Variants in PLD1 observed in about 807,000 individuals in gnomAD.
The protein encoded by PLD1 is choline phosphatase 1.
PLD1 carries 112 observed loss-of-function variants against 137.1 expected under a neutral mutation model. The observed-to-expected ratio is 0.82, with a 90% CI of 0.70 to 0.96. The LOEUF (loss-of-function observed/expected upper bound fraction) is 0.96. Ranked by LOEUF, PLD1 falls within the 40% of genes least tolerant of loss-of-function variation. The pLI is 0.00. For synonymous variants in PLD1, 431 were observed against 454.7 expected (o/e 0.95, Z 0.66); for missense variants, 1,321 against 1,342.0 (o/e 0.98, Z 0.24).
intron 23 of PLD1, among the ~76,000 whole-genome samples, chr3:171,625,136 G>T (rs1036128279): frequency 6.6e-5 from 10 of 152,080 alleles, no homozygotes; most frequent in African/African-American, 2.4e-4. Flanking sequence ...TGGAAAATCG[G>T]GTCACTCCCA....
At chr3:171,641,778 T>C (rs1158622931) in intron 23 of PLD1, among the ~76,000 whole-genome samples, 1 of 152,162 alleles carries the variant, frequency 6.6e-6, no homozygotes, top group African/African-American at 2.4e-5. Context: ...CCTTTGTCTC[T>C]TGCTTGCCAC....
chr3:171,750,209 C>G (rs931377728), intron 1 of PLD1, among the ~76,000 whole-genome samples: 2 of 151,898 alleles, frequency 1.3e-5, no homozygotes, highest in African/African-American at 4.8e-5. Flanking sequence ...TTTTAGTGAA[C>G]GAATAAGTAG....
At chr3:171,730,113 G>A (rs972337447) in intron 6 of PLD1, among the ~76,000 whole-genome samples, 1 of 152,086 alleles carries the variant, frequency 6.6e-6, no homozygotes, top group Non-Finnish European at 1.5e-5. Flanking sequence ...TAATTCCCTG[G>A]AAGATAAGCA....
chr3:171,678,654 C>G (rs1713633316), intron 16 of PLD1, among the ~76,000 whole-genome samples: 2 of 152,194 alleles, frequency 1.3e-5, no homozygotes. Flanking sequence ...GGTCCTGCCA[C>G]CAACACACTG....
intron 1 of PLD1, among the ~76,000 whole-genome samples, chr3:171,778,317 A>G (rs1049207126): frequency 1.3e-5 from 2 of 152,220 alleles, no homozygotes; most frequent in East Asian, 1.9e-4. Context: ...TTTCAGCATT[A>G]GTGATGAAAG....
chr3:171,672,293 G>A (rs1560201215), intron 19 of PLD1, among the ~76,000 whole-genome samples: 2 of 152,174 alleles, frequency 1.3e-5, no homozygotes, highest in African/African-American at 4.8e-5. Context: ...ACACCCAAGT[G>A]TGCTTTGATG....
chr3:171,769,331 G>C (rs896294266), intron 1 of PLD1, among the ~76,000 whole-genome samples: 4 of 152,140 alleles, frequency 2.6e-5, no homozygotes, highest in Admixed American at 1.3e-4. Context: ...TACCCATCAA[G>C]CACAAACAAG....
chr3:171,783,159 T>C (rs79551162), intron 1 of PLD1, among the ~76,000 whole-genome samples: 8,355 of 152,098 alleles, frequency 0.055, 775 homozygotes, highest in African/African-American at 0.19. Context: ...AATAGTCACC[T>C]GGGAGAGTGA....
At chr3:171,710,986 G>A (rs1717171359) in intron 9 of PLD1, among the ~76,000 whole-genome samples, 2 of 147,028 alleles carry the variant, frequency 1.4e-5, no homozygotes, top group Non-Finnish European at 3.0e-5. Flanking sequence ...TGATTCTCCT[G>A]CCTCAGCCTC....
At chr3:171,770,586 T>C (rs1168631491) in intron 1 of PLD1, among the ~76,000 whole-genome samples, 1 of 151,968 alleles carries the variant, frequency 6.6e-6, no homozygotes, top group African/African-American at 2.4e-5. Context: ...AAAGCAATTA[T>C]AAGAAAGGAA....
intron 13 of PLD1, among the ~76,000 whole-genome samples, 177 bp downstream of exon 13, chr3:171,692,155 T>G (rs1715225024): frequency 6.6e-6 from 1 of 152,176 alleles, no homozygotes; most frequent in African/African-American, 2.4e-5. Context: ...CTTACCCCCA[T>G]CAATGTAGGG....
chr3:171,806,538 T>TAA (rs757388168), intron 1 of PLD1, among the ~76,000 whole-genome samples: 5 of 152,242 alleles, frequency 3.3e-5, no homozygotes, highest in Non-Finnish European at 5.9e-5. Context: ...TGCTAAGACT[T>TAA]AAAGGATTGT....
At chr3:171,644,879 G>A (rs1167747271) in intron 22 of PLD1, 31 bp downstream of exon 22, 1 of 1,326,728 alleles carries the variant, frequency 7.5e-7, no homozygotes, top group Non-Finnish European at 1.1e-6. Flanking sequence ...ATGACCGAAA[G>A]CTCAAAATAG....
intron 16 of PLD1, among the ~76,000 whole-genome samples, chr3:171,680,357 C>T (rs1252234906): frequency 3.3e-5 from 5 of 150,684 alleles, no homozygotes; most frequent in Middle Eastern, 3.4e-3. Flanking sequence ...GCCTCAGCCT[C>T]CCGAGTAGCT....
At chr3:171,713,805 T>C (rs1717451444) in intron 9 of PLD1, 88 bp downstream of exon 9, 2 of 1,186,892 alleles carry the variant, frequency 1.7e-6, no homozygotes, top group South Asian at 2.7e-5. Flanking sequence ...TCTAACACTT[T>C]TTAAACTCCT....
At chr3:171,688,906 A>G (rs1191429046) in intron 13 of PLD1, 30 bp from the exon 14 acceptor site, 1 of 1,540,566 alleles carries the variant, frequency 6.5e-7, no homozygotes, top group South Asian at 1.1e-5. Flanking sequence ...CACTGATAAT[A>G]TGCTTTTGAA....
intron 1 of PLD1, among the ~76,000 whole-genome samples, chr3:171,782,283 T>C (rs1366496877): frequency 6.6e-6 from 1 of 152,210 alleles, no homozygotes; most frequent in Admixed American, 6.5e-5. Context: ...GAGGGAACTT[T>C]CTGTGGCGAT....
At chr3:171,796,846 A>C (rs1205823290) in intron 1 of PLD1, among the ~76,000 whole-genome samples, 2 of 151,992 alleles carry the variant, frequency 1.3e-5, no homozygotes, top group African/African-American at 4.8e-5. Context: ...TCCCATCTTC[A>C]TGCTCTTCTT....
intron 23 of PLD1, among the ~76,000 whole-genome samples, chr3:171,627,352 T>C (rs1734215357): frequency 6.6e-6 from 1 of 152,100 alleles, no homozygotes; most frequent in South Asian, 2.1e-4. Context: ...GCACCCAGAT[T>C]CATAAAGCAA....
Sources: gnomAD v4.1 joint callset for allele counts (sites outside exome capture counted in the v4.1 genomes callset) on GRCh38, gnomAD v4.1.1 for gene constraint, MANE v1.5 for transcripts, NCBI Gene and HGNC (gene_info 2026-07-23, HGNC 2026-07-21) for gene names.